The following GSE1 variants were observed in gnomAD, a reference collection of about 807,000 sequenced individuals.
GSE1 encodes the protein Gse1 coiled-coil protein.
Under a neutral mutation model 112.6 loss-of-function variants are expected in GSE1, and 32 were observed. That is an observed-to-expected ratio of 0.28 (90% CI 0.21 to 0.38). The LOEUF is 0.38. GSE1 is among the 10% of genes least tolerant of loss of function. The pLI, the probability that GSE1 is intolerant of heterozygous loss-of-function variation, is 1.00. For synonymous variants in GSE1, 1,115 were observed against 735.6 expected (o/e 1.52, Z -8.35); for missense variants, 2,348 against 1,699.2 (o/e 1.38, Z -6.71).
chr16:85,493,138 T>C lies in GSE1; in HGVS notation c.2464+135495T>C, dbSNP rs11640310. Among the ~76,000 whole-genome samples the C allele has an allele frequency of 5.6e-3, 858 of 152,296 alleles. 7 individuals are homozygous for C. The highest frequency in any genetic ancestry group is 0.01 in the Non-Finnish European group (703 of 68,004). On this transcript the variant is annotated intron_variant, in intron 2 of 2. Transcript: ENST00000637419. The stretch of plus-strand genomic sequence containing the variant: ...CCCTGTGTTCTCCAGGGAGGGGCGA[T>C]GCAGAGGCCCCAGGCAGAACTTTGC...
At chr16:85,331,363 GTGTATATATGTA>G (rs1448313236) in intron 1 of GSE1, among the ~76,000 whole-genome samples, 1 of 45,436 alleles carries the variant, frequency 2.2e-5, no homozygotes, top group African/African-American at 6.1e-5. Flanking sequence ...GTGTGTGTGT[GTGTATATATGTA>G]TATATATGTA....
At chr16:85,639,262 T>TACAA (rs2050248386) in intron 2 of GSE1, among the ~76,000 whole-genome samples, 1 of 152,196 alleles carries the variant, frequency 6.6e-6, no homozygotes, top group East Asian at 1.9e-4. Context: ...ACTCCTCGGG[T>TACAA]GGCACCGGGT....
chr16:85,634,948 C>G (rs572386017), intron 2 of GSE1, among the ~76,000 whole-genome samples: 2 of 149,424 alleles, frequency 1.3e-5, no homozygotes, highest in African/African-American at 2.6e-5. Flanking sequence ...TCGCTGCTGA[C>G]AGGCGGGGGG....
At chr16:85,533,247 T>TAA (rs34682517) in intron 2 of GSE1, among the ~76,000 whole-genome samples, 4 of 142,718 alleles carry the variant, frequency 2.8e-5, no homozygotes, top group Admixed American at 6.9e-5. Flanking sequence ...CTGTCTCTAC[T>TAA]AAAAAAAAAA....
chr16:85,235,981 G>A (rs1473095490), intron 1 of GSE1, among the ~76,000 whole-genome samples: 1 of 151,918 alleles, frequency 6.6e-6, no homozygotes, highest in African/African-American at 2.4e-5. Flanking sequence ...GCCGGGCCTG[G>A]GCCTGGGCCT....
chr16:85,425,562 G>T (rs1340455526), intron 2 of GSE1, among the ~76,000 whole-genome samples: 1 of 152,202 alleles, frequency 6.6e-6, no homozygotes, highest in Non-Finnish European at 1.5e-5. Context: ...ACCGATGCAC[G>T]CTTTGGCGGA....
chr16:85,284,015 G>T (rs1018140520), intron 1 of GSE1, among the ~76,000 whole-genome samples: 1 of 152,170 alleles, frequency 6.6e-6, no homozygotes, highest in Admixed American at 6.5e-5. Context: ...TGGGGGCGGG[G>T]AGGGAGGCAG....
At chr16:85,565,016 T>C (rs1314203520) in intron 1 of GSE1, among the ~76,000 whole-genome samples, 1 of 152,066 alleles carries the variant, frequency 6.6e-6, no homozygotes, top group East Asian at 1.9e-4. Flanking sequence ...GAGCCACGTC[T>C]TAAGAGGGTC....
intron 2 of GSE1, among the ~76,000 whole-genome samples, chr16:85,425,138 T>G (rs191863693): frequency 1.3e-5 from 2 of 152,364 alleles, no homozygotes; most frequent in African/African-American, 4.8e-5. Context: ...CAGCAGCCAC[T>G]TGCATCCCTG....
At chr16:85,644,944 A>C (rs537144978) in intron 2 of GSE1, among the ~76,000 whole-genome samples, 2 of 152,052 alleles carry the variant, frequency 1.3e-5, no homozygotes, top group African/African-American at 4.8e-5. Context: ...AAATCTAAAT[A>C]CATACAGAAA....
chr16:85,545,784 G>A (rs1339413868), intron 2 of GSE1, among the ~76,000 whole-genome samples: 1 of 152,084 alleles, frequency 6.6e-6, no homozygotes, highest in Non-Finnish European at 1.5e-5. Flanking sequence ...TTGTTTGTTT[G>A]TTTGTTTGTT....
rs1379158689 is a variant in GSE1, at chr16:85,373,904, GC to G, written c.2464+16264del. On this transcript the variant is annotated intron_variant, in intron 2 of 2. Coordinates refer to the GSE1 transcript ENST00000637419. The surrounding 1 kb of genome is among the most constrained non-coding windows in gnomAD (Gnocchi z 5.1). ...CATGAGCGGCAGCCTCCAGGCACCC[GC>G]CCGGCCTCCCTCCCCGCTCCCCGCA... Among the ~76,000 whole-genome samples the G allele has an allele frequency of 6.6e-6, 1 of 152,084 alleles. No homozygotes were observed. Among genetic ancestry groups the G allele is most frequent in the Non-Finnish European group, 1.5e-5 (1 of 67,998 alleles).
At chr16:85,211,013 C>T (rs1376573684) in intron 1 of GSE1, among the ~76,000 whole-genome samples, 1 of 152,222 alleles carries the variant, frequency 6.6e-6, no homozygotes, top group Non-Finnish European at 1.5e-5. Flanking sequence ...AGGACTGTGC[C>T]ACTTGACCTT....
chr16:85,474,228 G>A (rs2050381643), intron 2 of GSE1, among the ~76,000 whole-genome samples: 1 of 152,036 alleles, frequency 6.6e-6, no homozygotes. Context: ...AGAGGTTTGG[G>A]CTCTCCATGC....
intron 2 of GSE1, among the ~76,000 whole-genome samples, chr16:85,502,648 G>T (rs1322448105): frequency 1.3e-5 from 2 of 152,358 alleles, no homozygotes; most frequent in Non-Finnish European, 2.9e-5. Context: ...GCTGAAAGAA[G>T]CTGGAGAAGG....
At chr16:85,471,838 G>A (rs900628411) in intron 2 of GSE1, among the ~76,000 whole-genome samples, 1 of 152,212 alleles carries the variant, frequency 6.6e-6, no homozygotes, top group African/African-American at 2.4e-5. Context: ...AGCCTCCCGA[G>A]CAGCTGGGAC....
intron 2 of GSE1, among the ~76,000 whole-genome samples, chr16:85,437,206 G>A (rs2049269096): frequency 2.0e-5 from 3 of 152,102 alleles, no homozygotes; most frequent in Admixed American, 6.5e-5. Context: ...GGACGCCTCC[G>A]CCGCCGGGCT....
intron 1 of GSE1, chr16:85,595,156 T>G (rs1445477600): frequency 6.6e-6 from 1 of 152,320 alleles, no homozygotes; most frequent in African/African-American, 2.4e-5. Flanking sequence ...GCTGGGACAT[T>G]CCTGTCTCTC....
intron 1 of GSE1, among the ~76,000 whole-genome samples, chr16:85,179,677 A>G (rs888138505): frequency 6.6e-6 from 1 of 152,178 alleles, no homozygotes; most frequent in African/African-American, 2.4e-5. Flanking sequence ...CCTGCAGTCC[A>G]TCCTCTTACT....
Sources: allele counts gnomAD v4.1 joint callset (sites outside exome capture counted in the v4.1 genomes callset), GRCh38; gene constraint gnomAD v4.1.1; non-coding constraint Gnocchi (gnomAD v3.1); transcripts MANE v1.5; gene names NCBI Gene and HGNC (gene_info 2026-07-23, HGNC 2026-07-21).